DLGAP2: variants seen among roughly 807,000 people sequenced by gnomAD.
DLGAP2 encodes disks large-associated protein 2.
Under a neutral mutation model 100.3 loss-of-function variants are expected in DLGAP2, and 26 were observed. That is an observed-to-expected ratio of 0.26 (90% CI 0.19 to 0.36). The LOEUF is 0.36. Among genes scored for constraint, DLGAP2 ranks in the 10% least tolerant of loss-of-function variants. The pLI is 1.00. For synonymous variants in DLGAP2, 886 were observed against 630.1 expected (o/e 1.41, Z -6.08); for missense variants, 1,858 against 1,453.2 (o/e 1.28, Z -4.53).
intron 3 of DLGAP2, among the ~76,000 whole-genome samples, chr8:1,311,212 G>T (rs749732836): frequency 6.6e-6 from 1 of 152,090 alleles, no homozygotes; most frequent in Non-Finnish European, 1.5e-5. Flanking sequence ...CAATGAAAAT[G>T]ACCTAAACTG....
intron 3 of DLGAP2, among the ~76,000 whole-genome samples, chr8:1,437,329 C>G (rs1797671923): frequency 3.3e-5 from 5 of 152,256 alleles, no homozygotes; most frequent in Admixed American, 3.3e-4. Flanking sequence ...GTGCGCTCCA[C>G]AATGCTCACA....
At chr8:1,174,015 A>G (rs1797194498) in intron 2 of DLGAP2, among the ~76,000 whole-genome samples, 4 of 152,086 alleles carry the variant, frequency 2.6e-5, no homozygotes, top group Admixed American at 2.0e-4. Flanking sequence ...CTATTTGGCC[A>G]TCTTGGCTCC....
chr8:1,055,204 G>A (rs1332683722), intron 2 of DLGAP2, among the ~76,000 whole-genome samples: 1 of 152,210 alleles, frequency 6.6e-6, no homozygotes, highest in Non-Finnish European at 1.5e-5. Context: ...ATTATGTGAT[G>A]ACATTCTCTA....
intron 2 of DLGAP2, among the ~76,000 whole-genome samples, chr8:1,213,327 C>T (rs750692865): frequency 5.9e-5 from 9 of 152,080 alleles, no homozygotes; most frequent in Non-Finnish European, 1.2e-4. Flanking sequence ...AAGTTTTGAT[C>T]GAGTTTTGAA....
rs1226312969 is a variant in DLGAP2, at chr8:1,013,314, T to C, written c.73+105348T>C. On this transcript the variant is annotated intron_variant, in intron 2 of 14. Transcript: ENST00000637795. ...AGGATACAGTAGAGCTTTGAGCATCTCGTAGGTTGATAAGGAAAAGCCACA... is the reference window on the plus strand; with the variant it reads ...AGGATACAGTAGAGCTTTGAGCATCCCGTAGGTTGATAAGGAAAAGCCACA... 7.9e-5 allele frequency among the ~76,000 whole-genome samples: 12 copies of C among 152,264 alleles called. No homozygotes were observed. In the East Asian group the frequency reaches 1.5e-3, roughly 20 times the overall value.
chr8:1,242,852 G>A (rs944983360), intron 2 of DLGAP2, among the ~76,000 whole-genome samples: 4 of 151,784 alleles, frequency 2.6e-5, no homozygotes, highest in Non-Finnish European at 4.4e-5. Context: ...GGACGGACGG[G>A]CAGATGGACG....
At chr8:759,869 T>C (rs1187795455) in intron 1 of DLGAP2, among the ~76,000 whole-genome samples, 1 of 152,228 alleles carries the variant, frequency 6.6e-6, no homozygotes, top group Non-Finnish European at 1.5e-5. Flanking sequence ...AATTTCTTGC[T>C]CTGTCAACTC....
intron 3 of DLGAP2, among the ~76,000 whole-genome samples, chr8:1,352,394 C>G (rs144922548): frequency 0.013 from 1,944 of 152,166 alleles, 50 homozygotes; most frequent in African/African-American, 0.044. Flanking sequence ...GGGGCCATCT[C>G]TTCCTCTCCC....
intron 2 of DLGAP2, among the ~76,000 whole-genome samples, chr8:1,042,073 G>A (rs537122798): frequency 1.3e-4 from 20 of 152,322 alleles, no homozygotes; most frequent in Admixed American, 7.2e-4. Flanking sequence ...TCTCTGGGCC[G>A]TGTCCTCAGA....
chr8:1,448,507 C>G lies in DLGAP2; in HGVS notation c.107-52859C>G, dbSNP rs200162508. On this transcript the variant is annotated intron_variant, in intron 3 of 14. Coordinates refer to ENST00000637795, the MANE Select transcript of DLGAP2 (RefSeq NM_001346810.2). ...TTGCTGAGGAGAGCTTTACTTCCAACTATGTGGTCAATTTTGGAATAGGTG... is the reference window on the plus strand; with the variant it reads ...TTGCTGAGGAGAGCTTTACTTCCAAGTATGTGGTCAATTTTGGAATAGGTG... 6.6e-3 allele frequency among the ~76,000 whole-genome samples: 997 copies of G among 152,094 alleles called. 26 individuals carry two copies. The highest frequency in any genetic ancestry group is 0.048 in the Admixed American group (726 of 15,274).
chr8:1,448,905 C>T (rs1584914961), intron 3 of DLGAP2, among the ~76,000 whole-genome samples: 1 of 152,212 alleles, frequency 6.6e-6, no homozygotes, highest in East Asian at 1.9e-4. Context: ...GATGTCTCTA[C>T]AGTGGGTCAA....
intron 8 of DLGAP2, among the ~76,000 whole-genome samples, chr8:1,639,883 G>A (rs898498479): frequency 6.6e-6 from 1 of 152,172 alleles, no homozygotes. Flanking sequence ...TAAGGACCCT[G>A]GGGATAACAC....
rs1292816619 is a variant in DLGAP2 at position 1,501,418 on chromosome 8, A to G, written c.159A>G (p.Ala53=). The G allele has an allele frequency of 2.0e-6, 3 of 1,535,626 alleles. No homozygotes were observed. Among genetic ancestry groups the G allele is most frequent in the Admixed American group, 3.9e-5 (2 of 50,970 alleles). ...CGGGCATCAGCTTTCCGGGGCCGGC[A>G]GAGGAGGATCTAGGTAGAGTACAGA... ...VQPGISFPGP[A]EEDLDPQYSW... Residue 53 remains alanine, a synonymous_variant, in exon 4 of 15, where the codon GCA becomes GCG. Coordinates refer to ENST00000637795, the MANE Select transcript of DLGAP2 (RefSeq NM_001346810.2).
At chr8:905,267 C>T (rs1340868320) in intron 1 of DLGAP2, among the ~76,000 whole-genome samples, 1 of 152,076 alleles carries the variant, frequency 6.6e-6, no homozygotes, top group Non-Finnish European at 1.5e-5. Flanking sequence ...CAGTGAGTGG[C>T]TCTGCTGGTC....
intron 3 of DLGAP2, among the ~76,000 whole-genome samples, chr8:1,457,062 C>G (rs1381438859): frequency 6.6e-6 from 1 of 152,214 alleles, no homozygotes; most frequent in Non-Finnish European, 1.5e-5. Flanking sequence ...ATGTGGTCAT[C>G]TTTGTTCCCT....
intron 2 of DLGAP2, among the ~76,000 whole-genome samples, chr8:988,851 T>A (rs1362850387): frequency 6.6e-6 from 1 of 152,184 alleles, no homozygotes; most frequent in Non-Finnish European, 1.5e-5. Context: ...CTGGTGGCAC[T>A]GCTGTCCCAC....
chr8:1,381,915 T>C (rs537881016), intron 3 of DLGAP2, among the ~76,000 whole-genome samples: 28 of 152,234 alleles, frequency 1.8e-4, no homozygotes, highest in South Asian at 4.1e-4. Context: ...TGTACGTTTC[T>C]TGTCTGAACC....
At chr8:984,493 A>T (rs142084902) in intron 2 of DLGAP2, among the ~76,000 whole-genome samples, 74 of 152,230 alleles carry the variant, frequency 4.9e-4, no homozygotes, top group Non-Finnish European at 7.8e-4. Context: ...GGTTGTGGGG[A>T]TGGTCAGCTT....
rs376516597 is a variant in DLGAP2 at position 971,242 on chromosome 8, C to T, written c.73+63276C>T. On this transcript the variant is annotated intron_variant, in intron 2 of 14. Transcript: ENST00000637795. ...CAGAATTCATAAAGAACTCTTGTAACTTAACAATAAAATGACTAATAACCC... is the reference window on the plus strand; with the variant it reads ...CAGAATTCATAAAGAACTCTTGTAATTTAACAATAAAATGACTAATAACCC... Among the ~76,000 whole-genome samples, 21 of 152,284 alleles carry T rather than the reference C, an allele frequency of 1.4e-4. No homozygotes were observed. The South Asian group carries it at 3.9e-3, about 29-fold the overall frequency.
Sources: allele counts gnomAD v4.1 joint callset (sites outside exome capture counted in the v4.1 genomes callset), GRCh38; gene constraint gnomAD v4.1.1; transcripts MANE v1.5; gene names NCBI Gene and HGNC (gene_info 2026-07-23, HGNC 2026-07-21).